GAN: variants seen among roughly 807,000 people sequenced by gnomAD.
GAN encodes the protein epididymis secretory sperm binding protein.
Under a neutral mutation model 71.3 loss-of-function variants are expected in GAN, and 48 were observed. The observed-to-expected ratio is 0.67, with a 90% CI of 0.53 to 0.86. The LOEUF is 0.86. Ranked by LOEUF, GAN falls within the 40% of genes least tolerant of loss-of-function variation. The pLI is 0.00. For synonymous variants in GAN, 386 were observed against 276.8 expected (o/e 1.39, Z -3.92); for missense variants, 928 against 770.1 (o/e 1.21, Z -2.43).
rs1171493170 is a variant in GAN, at chr16:81,388,154, C to G, written c.*10558C>G. 2 of 151,788 alleles carry G rather than the reference C, an allele frequency of 1.3e-5. No individual in the cohort carries two copies. Among genetic ancestry groups the G allele is most frequent in the Non-Finnish European group, 2.9e-5 (2 of 67,998 alleles). 9.4% of individuals were successfully genotyped at this position (151,788 alleles called of 1,614,324 possible). A position where few individuals can be genotyped will look rare whatever the true frequency, so the allele number is the denominator to read the frequency against. On this transcript the variant is annotated 3_prime_UTR_variant, in exon 11 of 11. Coordinates refer to ENST00000648994, the MANE Select transcript of GAN (RefSeq NM_022041.4). ...CATGTTCGGAGTCGTTGTTTTTACTCACTCTTCTTGGGATAGCTTTCCCAC... is the reference window on the plus strand; with the variant it reads ...CATGTTCGGAGTCGTTGTTTTTACTGACTCTTCTTGGGATAGCTTTCCCAC...
intron 4 of GAN, 99 bp downstream of exon 4, chr16:81,357,101 T>C: frequency 1.2e-6 from 1 of 849,884 alleles, no homozygotes; most frequent in African/African-American, 1.7e-5. Flanking sequence ...TAAAACATAA[T>C]TACATTTGAT....
rs774237917 is a variant in GAN, at chr16:81,385,200, C to T, written c.*7604C>T. 5 of 152,236 alleles carry T rather than the reference C, an allele frequency of 3.3e-5. No individual in the cohort carries two copies. Among genetic ancestry groups the T allele is most frequent in the African/African-American group, 1.2e-4 (5 of 41,458 alleles). 9.4% of individuals were successfully genotyped at this position (152,236 alleles called of 1,614,324 possible). A position where few individuals can be genotyped will look rare whatever the true frequency, so the allele number is the denominator to read the frequency against. Reference sequence around the variant, plus strand: ...ACAAAGCTTCTCCTCCAATGACAATCTGTTAGCACCCTGTTGACTTAGCTC... The same window carrying T: ...ACAAAGCTTCTCCTCCAATGACAATTTGTTAGCACCCTGTTGACTTAGCTC... On this transcript the variant is annotated 3_prime_UTR_variant, in exon 11 of 11. Transcript: ENST00000648994.
intron 1 of GAN, among the ~76,000 whole-genome samples, chr16:81,331,159 C>T (rs149902547): frequency 3.9e-5 from 6 of 152,126 alleles, no homozygotes; most frequent in Admixed American, 1.3e-4. Flanking sequence ...GATCTGTGCT[C>T]GCACCACTGC....
intron 9 of GAN, 99 bp downstream of exon 9, chr16:81,365,577 A>T: frequency 8.2e-7 from 1 of 1,212,456 alleles, no homozygotes; most frequent in Non-Finnish European, 1.2e-6. Flanking sequence ...ACTTTATTAA[A>T]TTATGGATTT....
At position 81,388,592 on chromosome 16, in the gene GAN, C is replaced by G. The variant is rs1035236791; in HGVS notation, c.*10996C>G. ...CCGGGAGGGCAGGCAGGCACAGGCC[C>G]CGCTCACTACCTCAGCACCCAGTGC... is the stretch of plus-strand genomic sequence containing the variant. On this transcript the variant is annotated 3_prime_UTR_variant, in exon 11 of 11. Transcript: ENST00000648994. The G allele has an allele frequency of 6.5e-6, 1 of 153,086 alleles. No individual in the cohort carries two copies. The highest frequency in any genetic ancestry group is 1.5e-5 in the Non-Finnish European group (1 of 68,750). The allele number at this position is 153,086 out of a possible 1,614,324, so 9.5% of individuals were successfully genotyped here. A position where few individuals can be genotyped will look rare whatever the true frequency, so the allele number is the denominator to read the frequency against.
At position 81,380,267 on chromosome 16, in the gene GAN, T is replaced by A. The variant is rs1904298579; in HGVS notation, c.*2671T>A. 6.6e-6 allele frequency: 1 copy of A among 152,646 alleles called. No individual in the cohort carries two copies. The highest frequency in any genetic ancestry group is 6.5e-5 in the Admixed American group (1 of 15,274). The allele number at this position is 152,646 out of a possible 1,614,324, so 9.5% of individuals were successfully genotyped here. A position where few individuals can be genotyped will look rare whatever the true frequency, so the allele number is the denominator to read the frequency against. The stretch of plus-strand genomic sequence containing the variant: ...GATACTTCTTTCTTGATAAGGCACT[T>A]TTACCAGGTGTGTGTTGGAATTGGT... On this transcript the variant is annotated 3_prime_UTR_variant, in exon 11 of 11. Transcript: ENST00000648994.
Position 81,379,794 on chromosome 16 carries a change from T to A in GAN, c.*2198T>A, listed in dbSNP as rs1275602838. 6.6e-6 allele frequency: 1 copy of A among 152,160 alleles called. No homozygotes were observed. Among genetic ancestry groups the A allele is most frequent in the Non-Finnish European group, 1.5e-5 (1 of 68,034 alleles). The allele number at this position is 152,160 out of a possible 1,614,324, so 9.4% of individuals were successfully genotyped here. A position where few individuals can be genotyped will look rare whatever the true frequency, so the allele number is the denominator to read the frequency against. On this transcript the variant is annotated 3_prime_UTR_variant, in exon 11 of 11. Transcript: ENST00000648994. ...TTTTTTAATTTCTGATATTTAAAGT[T>A]TTTTTTCCAGTCTACACCAGGCCTC... is the stretch of plus-strand genomic sequence containing the variant.
At chr16:81,373,477 T>C (rs922291088) in intron 9 of GAN, among the ~76,000 whole-genome samples, 3 of 152,242 alleles carry the variant, frequency 2.0e-5, no homozygotes, top group African/African-American at 7.2e-5. Context: ...TGTAGACTTG[T>C]AGAAAAGTTG....
In GAN at chr16:81,381,755, TAA is replaced by T. The variant is rs1312137789; in HGVS notation, c.*4160_*4161del. On this transcript the variant is annotated 3_prime_UTR_variant, in exon 11 of 11. Transcript: ENST00000648994. ...GCAATAAACATTTGACAAATAAATA[TAA>T]GATTCTTGTGATCAAAGTAATGTTC... The T allele has an allele frequency of 6.6e-6, 1 of 152,192 alleles. No homozygotes were observed. Among genetic ancestry groups the T allele is most frequent in the African/African-American group, 2.4e-5 (1 of 41,456 alleles). The allele number at this position is 152,192 out of a possible 1,614,324, so 9.4% of individuals were successfully genotyped here.
In GAN at chr16:81,358,079, G is replaced by A. The variant is rs7191388; in HGVS notation, c.973+148G>A. On this transcript the variant is annotated intron_variant, in intron 5 of 10. Transcript: ENST00000648994. ...GTGTAGTTCTAGCTTCTGAGACCGT[G>A]GTTAGGAAAACCGTATTTTCTGTCA... 4,649 of 745,238 alleles carry A rather than the reference G, an allele frequency of 6.2e-3. 167 individuals are homozygous for A. The African/African-American group carries it at 0.072, about 12-fold the overall frequency. The allele number at this position is 745,238 out of a possible 1,614,324, so 46.2% of individuals were successfully genotyped here.
intron 1 of GAN, among the ~76,000 whole-genome samples, chr16:81,320,820 T>G (rs979659594): frequency 1.3e-5 from 2 of 152,226 alleles, no homozygotes; most frequent in Admixed American, 1.3e-4. Context: ...TTTTATCTAC[T>G]TACTATAAGG....
chr16:81,320,575 C>T (rs1032369706), intron 1 of GAN, among the ~76,000 whole-genome samples: 5 of 152,122 alleles, frequency 3.3e-5, no homozygotes, highest in South Asian at 2.1e-4. Flanking sequence ...ACTTGTGTTT[C>T]GAGTTTATAG....
chr16:81,365,539 T>C, intron 9 of GAN, 61 bp downstream of exon 9: 2 of 1,519,890 alleles, frequency 1.3e-6, no homozygotes, highest in Non-Finnish European at 1.8e-6. Flanking sequence ...CAGTCGTATT[T>C]TAGCTTTGTT....
intron 9 of GAN, among the ~76,000 whole-genome samples, chr16:81,376,607 T>A (rs1904281517): frequency 6.6e-6 from 1 of 150,812 alleles, no homozygotes; most frequent in Non-Finnish European, 1.5e-5. Context: ...ATATATTATA[T>A]GTATGTATAT....
rs1445571301 is a variant in GAN at position 81,382,883 on chromosome 16, C to T, written c.*5287C>T. ...CAATATTGTCTCATTGTAATAGTTC[C>T]ATTTATGTGACATCTGAGGAATTAA... On this transcript the variant is annotated 3_prime_UTR_variant, in exon 11 of 11. Transcript: ENST00000648994. The T allele has an allele frequency of 2.0e-5, 3 of 152,098 alleles. No homozygotes were observed. The highest frequency in any genetic ancestry group is 3.8e-4 in the East Asian group (2 of 5,200). The allele number at this position is 152,098 out of a possible 1,614,324, so 9.4% of individuals were successfully genotyped here. A position where few individuals can be genotyped will look rare whatever the true frequency, so the allele number is the denominator to read the frequency against.
chr16:81,357,541 A>G (rs1291610106), intron 4 of GAN, among the ~76,000 whole-genome samples: 1 of 152,098 alleles, frequency 6.6e-6, no homozygotes, highest in Non-Finnish European at 1.5e-5. Context: ...AGTCTTTGCT[A>G]TTGTGAATAG....
In GAN at chr16:81,372,588, C is replaced by T. The variant is rs192126418; in HGVS notation, c.1503-4631C>T. Among the ~76,000 whole-genome samples the T allele has an allele frequency of 2.1e-3, 319 of 152,286 alleles. 4 individuals carry two copies. The highest frequency in any genetic ancestry group is 1.3e-3 in the Non-Finnish European group (91 of 68,018). ...CTTTACCTAAAATAGATCACCTACG[C>T]GTATTTTTCTGAAACCCAGGAACTG... On this transcript the variant is annotated intron_variant, in intron 9 of 10. Coordinates refer to ENST00000648994, the MANE Select transcript of GAN (RefSeq NM_022041.4).
chr16:81,342,600 C>T (rs540738645), intron 1 of GAN, among the ~76,000 whole-genome samples: 2 of 152,268 alleles, frequency 1.3e-5, no homozygotes, highest in East Asian at 1.9e-4. Flanking sequence ...AAAGACACAA[C>T]GTACCAGAAT....
At chr16:81,366,996 T>C (rs2150692866) in intron 9 of GAN, among the ~76,000 whole-genome samples, 1 of 152,242 alleles carries the variant, frequency 6.6e-6, no homozygotes, top group South Asian at 2.1e-4. Flanking sequence ...GGCTAATTTT[T>C]GTATTTTTAG....
Sources: gnomAD v4.1 joint callset for allele counts (sites outside exome capture counted in the v4.1 genomes callset) on GRCh38, gnomAD v4.1.1 for gene constraint, MANE v1.5 for transcripts, NCBI Gene and HGNC (gene_info 2026-07-23, HGNC 2026-07-21) for gene names.